The following CFAP97 variants were observed in gnomAD, a reference collection of about 807,000 sequenced individuals.
CFAP97 encodes the protein cilia and flagella associated protein 97.
A neutral mutation model predicts 43.1 loss-of-function variants in CFAP97; 36 were observed. That is an observed-to-expected ratio of 0.84 (90% CI 0.64 to 1.10). CFAP97 has a LOEUF of 1.10. Among genes scored for constraint, CFAP97 ranks in the 50% least tolerant of loss-of-function variants. The pLI is 0.00. For synonymous variants in CFAP97, 228 were observed against 225.7 expected (o/e 1.01, Z -0.09); for missense variants, 657 against 620.3 (o/e 1.06, Z -0.63).
At chr4:185,181,748 C>G (rs529084253) in intron 2 of CFAP97, among the ~76,000 whole-genome samples, 1 of 152,128 alleles carries the variant, frequency 6.6e-6, no homozygotes, top group Admixed American at 6.5e-5. Context: ...TTGGTTTTTG[C>G]TTTTCTTAAA....
At chr4:185,182,106 A>G (rs6812035) in intron 2 of CFAP97, 82,905 of 151,874 alleles carry the variant, frequency 0.55, 23,240 homozygotes, top group African/African-American at 0.69. Context: ...TTTCTAAAAT[A>G]TTTTAAATTT....
intron 1 of CFAP97, among the ~76,000 whole-genome samples, chr4:185,199,707 A>G (rs1736737929): frequency 6.6e-6 from 1 of 152,184 alleles, no homozygotes; most frequent in Non-Finnish European, 1.5e-5. Context: ...GGGCCTTAAG[A>G]ATTATGCTAA....
At chr4:185,178,938 C>T (rs80333043) in intron 2 of CFAP97, among the ~76,000 whole-genome samples, 4,545 of 152,136 alleles carry the variant, frequency 0.03, 104 homozygotes, top group Middle Eastern at 0.071. Flanking sequence ...CCAAGCAGAA[C>T]GCTCAGAGCA....
At chr4:185,176,656 C>A (rs886370176) in intron 2 of CFAP97, among the ~76,000 whole-genome samples, 1 of 152,086 alleles carries the variant, frequency 6.6e-6, no homozygotes, top group Non-Finnish European at 1.5e-5. Context: ...TTTGTTATAT[C>A]AATTTTATCC....
chr4:185,209,802 T>A, upstream of CFAP97: 2 of 983,538 alleles, frequency 2.0e-6, no homozygotes, highest in Non-Finnish European at 2.4e-6. The surrounding 1 kb of genome is among the most constrained non-coding windows in gnomAD (Gnocchi z 5.2). Flanking sequence ...GAGATGTGCC[T>A]GTCCTTAGCG....
chr4:185,199,329 C>T (rs2111421610), intron 1 of CFAP97, among the ~76,000 whole-genome samples: 1 of 152,102 alleles, frequency 6.6e-6, no homozygotes, highest in South Asian at 2.1e-4. Flanking sequence ...CGCGATCCGG[C>T]CACTGCACTA....
At chr4:185,196,466 C>CAAAAA in intron 1 of CFAP97, among the ~76,000 whole-genome samples, 1 of 129,662 alleles carries the variant, frequency 7.7e-6, no homozygotes, top group South Asian at 2.4e-4. Flanking sequence ...TAGTCCGTCT[C>CAAAAA]AAAAAAAAAA....
chr4:185,198,750 T>C (rs867363222), intron 1 of CFAP97, among the ~76,000 whole-genome samples: 8 of 129,732 alleles, frequency 6.2e-5, no homozygotes, highest in African/African-American at 2.0e-4. Context: ...GATCGCGTCA[T>C]TGCACTCCAG....
chr4:185,186,896 CGTT>C (rs1157012678), intron 2 of CFAP97, among the ~76,000 whole-genome samples: 3 of 152,142 alleles, frequency 2.0e-5, no homozygotes, highest in Middle Eastern at 3.2e-3. Flanking sequence ...GTTTAAAAAT[CGTT>C]GTGTTAGAGC....
upstream of CFAP97, chr4:185,209,785 G>A: frequency 1.0e-6 from 1 of 984,054 alleles, no homozygotes; most frequent in Non-Finnish European, 1.2e-6. This position sits in a 1 kb window ranked among gnomAD's most constrained non-coding sequence, Gnocchi z 5.2. Flanking sequence ...GGGGGACCGG[G>A]GGGCAGGAGA....
At chr4:185,196,652 G>A (rs892743472) in intron 1 of CFAP97, among the ~76,000 whole-genome samples, 5 of 152,098 alleles carry the variant, frequency 3.3e-5, no homozygotes, top group Admixed American at 2.0e-4. Flanking sequence ...TCATCAAAAG[G>A]TAATGTACTA....
chr4:185,191,308 TGTTTAATATATA>T, intron 1 of CFAP97, 96 bp from the exon 2 acceptor site: 1 of 841,292 alleles, frequency 1.2e-6, no homozygotes. Context: ...CTGACAAGTG[TGTTTAATATATA>T]AAAAGAAACA....
intron 1 of CFAP97, among the ~76,000 whole-genome samples, chr4:185,192,809 C>CG (rs1298053408): frequency 1.5e-5 from 2 of 132,430 alleles, no homozygotes; most frequent in Non-Finnish European, 3.0e-5. Flanking sequence ...GGTGCAATCT[C>CG]GGCTCAGTGC....
intron 3 of CFAP97, among the ~76,000 whole-genome samples, chr4:185,168,470 G>A (rs1429082716): frequency 6.7e-6 from 1 of 149,968 alleles, no homozygotes; most frequent in Non-Finnish European, 1.5e-5. Flanking sequence ...AGCTAGGCAT[G>A]GTGACACACA....
intron 2 of CFAP97, among the ~76,000 whole-genome samples, chr4:185,185,628 C>T (rs532678271): frequency 6.9e-6 from 1 of 144,606 alleles, no homozygotes; most frequent in South Asian, 2.2e-4. Context: ...CTGAAATTTG[C>T]CAACCTTTTT....
chr4:185,166,430 C>T (rs948602495), intron 3 of CFAP97, among the ~76,000 whole-genome samples: 2 of 152,216 alleles, frequency 1.3e-5, no homozygotes, highest in Non-Finnish European at 2.9e-5. Flanking sequence ...AAGGACAAGA[C>T]AGAAGACCTG....
rs1737344498 is a variant in CFAP97, at chr4:185,209,077, C to T, written c.-74+248G>A. On this transcript the variant is annotated intron_variant, in intron 1 of 2. Coordinates refer to the CFAP97 transcript ENST00000503223. This position sits in a 1 kb window ranked among gnomAD's most constrained non-coding sequence, Gnocchi z 5.2. The stretch of plus-strand genomic sequence containing the variant: ...GCTGCGTGCACCCTGTTGCACCAGG[C>T]CGACTTCTTTGGACCTTTCCATAGC... Among the ~76,000 whole-genome samples the T allele has an allele frequency of 1.3e-5, 2 of 152,298 alleles. No individual in the cohort carries two copies. The highest frequency in any genetic ancestry group is 1.3e-4 in the Admixed American group (2 of 15,300).
chr4:185,169,098 T>A (rs1735183114), intron 3 of CFAP97: 1 of 152,222 alleles, frequency 6.6e-6, no homozygotes, highest in Non-Finnish European at 1.5e-5. Flanking sequence ...TTAGCAAATG[T>A]CAAGTACCCA....
At chr4:185,206,459 G>A (rs531053719), upstream of CFAP97, among the ~76,000 whole-genome samples, 23 of 146,834 alleles carry the variant, frequency 1.6e-4, no homozygotes, top group Admixed American at 4.1e-4. Flanking sequence ...TCCTGAGGTC[G>A]GGGGGTTGAG....
Sources: gnomAD v4.1 joint callset for allele counts (sites outside exome capture counted in the v4.1 genomes callset) on GRCh38, gnomAD v4.1.1 for gene constraint, Gnocchi (gnomAD v3.1) non-coding constraint, MANE v1.5 for transcripts, NCBI Gene and HGNC (gene_info 2026-07-23, HGNC 2026-07-21) for gene names.